The following CSMD1 variants were observed in gnomAD, a reference collection of about 807,000 sequenced individuals.
CSMD1 encodes CUB and sushi domain-containing protein 1.
CSMD1 carries 213 observed loss-of-function variants against 417.5 expected under a neutral mutation model. The ratio of observed to expected loss-of-function variants is 0.51; its 90% CI spans 0.46 to 0.57. The LOEUF (loss-of-function observed/expected upper bound fraction) is 0.57, where lower values mean the gene tolerates loss of function less well. Among genes scored for constraint, CSMD1 ranks in the 20% least tolerant of loss-of-function variants. The probability of loss-of-function intolerance (pLI) is 0.00; values close to 1 mark genes in which losing one functional copy is unlikely to be tolerated. For synonymous variants in CSMD1, 2,862 were observed against 1,736.8 expected, an observed-to-expected ratio of 1.65 and a Z score of -16.11; for missense variants, 6,923 against 4,529.7, an observed-to-expected ratio of 1.53 and a Z score of -15.17.
At chr8:4,600,250 C>A (rs936691241) in intron 2 of CSMD1, among the ~76,000 whole-genome samples, 2 of 152,182 alleles carry the variant, frequency 1.3e-5, no homozygotes, top group South Asian at 2.1e-4. Flanking sequence ...CTCTCTCTCT[C>A]CCACTCTGAC....
At chr8:4,497,116 A>T (rs1269714194) in intron 2 of CSMD1, among the ~76,000 whole-genome samples, 1 of 152,164 alleles carries the variant, frequency 6.6e-6, no homozygotes, top group Non-Finnish European at 1.5e-5. Flanking sequence ...GACATCCCAG[A>T]CAGCTTGTCT....
chr8:4,761,497 T>C (rs1563317937), intron 1 of CSMD1, among the ~76,000 whole-genome samples: 3 of 152,136 alleles, frequency 2.0e-5, no homozygotes, highest in Non-Finnish European at 1.5e-5. Context: ...ACATTTAATA[T>C]TGCATATGTA....
intron 21 of CSMD1, among the ~76,000 whole-genome samples, chr8:3,349,916 ATATAT>A (rs1193682381): frequency 2.4e-3 from 353 of 144,192 alleles, no homozygotes; most frequent in African/African-American, 6.5e-3. Flanking sequence ...ATATATATTT[ATATAT>A]TATATTATAT....
At chr8:3,197,743 C>T (rs887042742) in intron 33 of CSMD1, among the ~76,000 whole-genome samples, 1 of 152,152 alleles carries the variant, frequency 6.6e-6, no homozygotes, top group Non-Finnish European at 1.5e-5. Flanking sequence ...GGATTACAGG[C>T]TTGAGCCACC....
At chr8:4,756,879 A>T (rs999689184) in intron 1 of CSMD1, among the ~76,000 whole-genome samples, 2 of 152,242 alleles carry the variant, frequency 1.3e-5, no homozygotes, top group African/African-American at 2.4e-5. Flanking sequence ...TTAACCTGAA[A>T]GCAAACTTGG....
intron 3 of CSMD1, among the ~76,000 whole-genome samples, chr8:4,235,977 A>C (rs1199246254): frequency 2.0e-5 from 3 of 150,086 alleles, no homozygotes; most frequent in African/African-American, 7.4e-5. Context: ...TAAGCTACCT[A>C]GCAAGTGATT....
intron 5 of CSMD1, among the ~76,000 whole-genome samples, chr8:3,850,510 C>T (rs558080680): frequency 1.4e-4 from 22 of 152,188 alleles, no homozygotes; most frequent in African/African-American, 5.3e-4. Context: ...GCTTGGCCAA[C>T]ATGGCAAAAC....
chr8:4,388,874 A>C (rs1430879128), intron 3 of CSMD1, among the ~76,000 whole-genome samples: 1 of 152,200 alleles, frequency 6.6e-6, no homozygotes, highest in Non-Finnish European at 1.5e-5. Context: ...AAATCAGCTG[A>C]AACGTCTCCT....
At position 3,746,101 on chromosome 8, in the gene CSMD1, C is replaced by T. The variant is rs371457987; in HGVS notation, c.931+7829G>A. 5.3e-5 allele frequency among the ~76,000 whole-genome samples: 8 copies of T among 152,192 alleles called. No homozygotes were observed. The East Asian group carries it at 5.8e-4, about 11-fold the overall frequency. On this transcript the variant is annotated intron_variant, in intron 6 of 69. Coordinates refer to ENST00000635120, the MANE Select transcript of CSMD1 (RefSeq NM_033225.6). ...TTAGCAAATAAACATGAAACATTGTCTGCAGATTTGGCCAACGATATTGCC... is the reference window on the plus strand; with the variant it reads ...TTAGCAAATAAACATGAAACATTGTTTGCAGATTTGGCCAACGATATTGCC...
chr8:4,268,819 C>T (rs1025301690), intron 3 of CSMD1, among the ~76,000 whole-genome samples: 16 of 151,822 alleles, frequency 1.1e-4, no homozygotes, highest in East Asian at 5.8e-4. Flanking sequence ...TGGTTAATAG[C>T]CCCCAAGTAA....
rs140041168 is a variant in CSMD1 at position 4,005,577 on chromosome 8, C to T, written c.611-7467G>A. ...TGAATTGTCTTTTATTGTGTAAGGA[C>T]GTTCCACATGGTATTATAAGGTTTG... On this transcript the variant is annotated intron_variant, in intron 4 of 69. Coordinates refer to ENST00000635120, the MANE Select transcript of CSMD1 (RefSeq NM_033225.6). Among the ~76,000 whole-genome samples, 17 of 152,224 alleles carry T rather than the reference C, an allele frequency of 1.1e-4. No homozygotes were observed. The East Asian group carries it at 1.4e-3, about 12-fold the overall frequency.
intron 4 of CSMD1, among the ~76,000 whole-genome samples, chr8:4,022,787 T>C (rs1012108271): frequency 6.6e-6 from 1 of 152,192 alleles, no homozygotes; most frequent in Non-Finnish European, 1.5e-5. Context: ...GTATTCCACA[T>C]ATTAAGCAAT....
At chr8:4,612,629 C>T (rs900579655) in intron 2 of CSMD1, among the ~76,000 whole-genome samples, 1 of 152,142 alleles carries the variant, frequency 6.6e-6, no homozygotes, top group Non-Finnish European at 1.5e-5. Context: ...AGGGTAAGGC[C>T]ACTCAGGGGA....
chr8:4,421,373 A>G (rs1233814677), intron 2 of CSMD1, among the ~76,000 whole-genome samples: 1 of 152,208 alleles, frequency 6.6e-6, no homozygotes, highest in Non-Finnish European at 1.5e-5. Flanking sequence ...CAGCAAGAAC[A>G]GAGTACACAT....
chr8:4,097,741 T>G (rs1006497614), intron 3 of CSMD1, among the ~76,000 whole-genome samples: 1 of 152,170 alleles, frequency 6.6e-6, no homozygotes, highest in Non-Finnish European at 1.5e-5. Flanking sequence ...AAAAAACAAA[T>G]TCAGTGTAGT....
At chr8:4,923,391 T>C (rs1365725013) in intron 1 of CSMD1, among the ~76,000 whole-genome samples, 2 of 152,188 alleles carry the variant, frequency 1.3e-5, no homozygotes, top group African/African-American at 4.8e-5. Flanking sequence ...GTAACTGGAT[T>C]GTTTGATACT....
chr8:4,420,731 G>A (rs886354920), intron 2 of CSMD1, among the ~76,000 whole-genome samples: 1 of 152,108 alleles, frequency 6.6e-6, no homozygotes, highest in Non-Finnish European at 1.5e-5. Flanking sequence ...TAGGCTGTGA[G>A]CCGTCTAGAG....
At chr8:3,777,782 CCCACAG>C (rs1563070177) in intron 5 of CSMD1, among the ~76,000 whole-genome samples, 27 of 93,574 alleles carry the variant, frequency 2.9e-4, no homozygotes, top group Non-Finnish European at 2.6e-4. Context: ...CCACTCCAGA[CCCACAG>C]CCTCCTTGAA....
At chr8:3,697,368 C>G (rs1342149910) in intron 7 of CSMD1, among the ~76,000 whole-genome samples, 1 of 152,156 alleles carries the variant, frequency 6.6e-6, no homozygotes, top group African/African-American at 2.4e-5. Flanking sequence ...TGTACTTTTT[C>G]TGAATTCCCT....
Sources: allele counts gnomAD v4.1 joint callset (sites outside exome capture counted in the v4.1 genomes callset), GRCh38; gene constraint gnomAD v4.1.1; transcripts MANE v1.5; gene names NCBI Gene and HGNC (gene_info 2026-07-23, HGNC 2026-07-21).